Variants in SOBP observed in about 807,000 individuals in gnomAD.
SOBP encodes sine oculis-binding protein homolog.
In SOBP, 4 loss-of-function variants were observed where a neutral mutation model predicts 53.6. The observed-to-expected ratio is 0.07, with a 90% CI of 0.04 to 0.17. SOBP has a LOEUF of 0.17. Ranked by LOEUF, SOBP falls within the 10% of genes least tolerant of loss-of-function variation. The probability of loss-of-function intolerance (pLI) is 1.00; values close to 1 mark genes in which losing one functional copy is unlikely to be tolerated. For synonymous variants in SOBP, 584 were observed against 522.6 expected (o/e 1.12, Z -1.60); for missense variants, 1,088 against 1,204.7 (o/e 0.90, Z 1.43).
At chr6:107,510,155 T>C (rs1379324955) in intron 3 of SOBP, among the ~76,000 whole-genome samples, 1 of 152,222 alleles carries the variant, frequency 6.6e-6, no homozygotes, top group African/African-American at 2.4e-5. Context: ...AGAGCTCTTC[T>C]GTTGTAGCAG....
chr6:107,528,567 T>G (rs975036085), intron 3 of SOBP, among the ~76,000 whole-genome samples: 8 of 152,348 alleles, frequency 5.3e-5, no homozygotes, highest in African/African-American at 1.9e-4. Context: ...CATAAAGAAG[T>G]AAAGGCTTGC....
At position 107,634,140 on chromosome 6, in the gene SOBP, C is replaced by G; in HGVS notation, c.1296C>G (p.Pro432=). 2 of 1,611,308 alleles carry G rather than the reference C, an allele frequency of 1.2e-6. No homozygotes were observed. Among genetic ancestry groups the G allele is most frequent in the Non-Finnish European group, 1.7e-6 (2 of 1,178,902 alleles). ...GCCCCCTGTCCAACCCCATGCTTCC[C>G]GGCATCGGGCCCCCGCCCGGTGGCC... The part of the protein sequence containing the change: ...PNSPLSNPML[P]GIGPPPGGPR... The change falls in exon 6 of 7, where the codon CCC becomes CCG. Residue 432 remains proline, a synonymous_variant. Coordinates refer to ENST00000317357, the MANE Select transcript of SOBP (RefSeq NM_018013.4). This position sits in a 1 kb window ranked among gnomAD's most constrained non-coding sequence, Gnocchi z 4.5.
intron 6 of SOBP, among the ~76,000 whole-genome samples, chr6:107,639,987 A>T (rs1034760821): frequency 1.3e-5 from 2 of 152,218 alleles, no homozygotes; most frequent in East Asian, 3.8e-4. Flanking sequence ...CTCCAGGCTC[A>T]GCAGGGGGGA....
intron 6 of SOBP, among the ~76,000 whole-genome samples, chr6:107,648,366 A>G (rs1389735919): frequency 2.6e-5 from 4 of 152,002 alleles, no homozygotes; most frequent in African/African-American, 7.3e-5. Context: ...CTCTAAATTC[A>G]TCTAGGATTT....
intron 5 of SOBP, among the ~76,000 whole-genome samples, chr6:107,613,775 G>A (rs1458248521): frequency 6.6e-6 from 1 of 152,158 alleles, no homozygotes; most frequent in Non-Finnish European, 1.5e-5. Context: ...CAAAGTTGCT[G>A]AATAAATCAA....
intron 6 of SOBP, among the ~76,000 whole-genome samples, chr6:107,655,483 G>A (rs1470429774): frequency 6.6e-6 from 1 of 152,178 alleles, no homozygotes; most frequent in African/African-American, 2.4e-5. Context: ...GACACAGCAA[G>A]TATGTGGTGA....
At chr6:107,567,501 G>A (rs985624202) in intron 4 of SOBP, among the ~76,000 whole-genome samples, 20 of 152,156 alleles carry the variant, frequency 1.3e-4, no homozygotes, top group Admixed American at 1.2e-3. Context: ...AAAATTCCTT[G>A]AGAGAAGTCA....
intron 5 of SOBP, among the ~76,000 whole-genome samples, chr6:107,626,984 T>C (rs1770490363): frequency 6.6e-6 from 1 of 152,096 alleles, no homozygotes; most frequent in Non-Finnish European, 1.5e-5. Flanking sequence ...ATTTCTTAGG[T>C]GATTTCTGTG....
In SOBP at chr6:107,634,728, C is replaced by T. The variant is rs746427265; in HGVS notation, c.1884C>T (p.Gly628=). Reference sequence around the variant, plus strand: ...TGGTGGACCTGACGCGGCGCGCCGGCAGCCCCCCGGGCCCCCCGGGCGCGG... The same window carrying T: ...TGGTGGACCTGACGCGGCGCGCCGGTAGCCCCCCGGGCCCCCCGGGCGCGG... ...SEVVDLTRRA[G]SPPGPPGAGG... is the part of the protein sequence containing the mutation. Residue 628 remains glycine, a synonymous_variant, in exon 6 of 7, where the codon GGC becomes GGT. Transcript: ENST00000317357. This position sits in a 1 kb window ranked among gnomAD's most constrained non-coding sequence, Gnocchi z 4.5. The T allele has an allele frequency of 7.1e-5, 96 of 1,356,854 alleles. No individual in the cohort carries two copies. In the African/African-American group the frequency reaches 1.3e-3, roughly 19 times the overall value. 84.1% of individuals were successfully genotyped at this position (1,356,854 alleles called of 1,614,324 possible).
At position 107,634,694 on chromosome 6, in the gene SOBP, G is replaced by T. The variant is rs756274178; in HGVS notation, c.1850G>T (p.Arg617Leu). 2.0e-6 allele frequency: 3 copies of T among 1,514,554 alleles called. No homozygotes were observed. The African/African-American group carries it at 4.3e-5, about 21-fold the overall frequency. 93.8% of individuals were successfully genotyped at this position (1,514,554 alleles called of 1,614,324 possible). A position where few individuals can be genotyped will look rare whatever the true frequency, so the allele number is the denominator to read the frequency against. The change falls in exon 6 of 7, where the codon CGG becomes CTG. Residue 617 changes from arginine to leucine, a missense_variant. This residue lies in a region of SOBP where 665 missense variants were observed against 629.7 expected (regional missense o/e 1.06). Transcript: ENST00000317357. The surrounding 1 kb of genome is among the most constrained non-coding windows in gnomAD (Gnocchi z 4.5). ...SLAPTPAEHG[R>L]SEVVDLTRRA... ...GCGCCCACGCCCGCCGAGCATGGCC[G>T]GAGCGAGGTGGTGGACCTGACGCGG...
At chr6:107,508,812 G>A (rs1783074765) in intron 3 of SOBP, among the ~76,000 whole-genome samples, 1 of 152,038 alleles carries the variant, frequency 6.6e-6, no homozygotes, top group South Asian at 2.1e-4. Flanking sequence ...CGTAGGCCAA[G>A]TGGGAAAAAA....
rs34004579 is a variant in SOBP, at chr6:107,521,909, AACACACACACACACACACACACAC to A, written c.422-11522_422-11499del. ...GTCTGGTGGAAGAGACAGACATTAAAACACACACACACACACACACACACACACACACACACACACACACACACA... is the reference window on the plus strand; with the variant it reads ...GTCTGGTGGAAGAGACAGACATTAAAACACACACACACACACACACACACA... On this transcript the variant is annotated intron_variant, in intron 3 of 6. Transcript: ENST00000317357. Among the ~76,000 whole-genome samples the A allele has an allele frequency of 1.1e-3, 148 of 139,370 alleles. 1 individual carries two copies. The highest frequency in any genetic ancestry group is 3.5e-3 in the African/African-American group (128 of 36,280). The allele number at this position is 139,370 out of a possible 152,430, so 91.4% of individuals were successfully genotyped here.
At position 107,490,340 on chromosome 6, in the gene SOBP, G is replaced by GTTGGCT. The variant is rs1782543507; in HGVS notation, c.-277_-276insTTGGCT. 6.4e-6 allele frequency: 1 copy of GTTGGCT among 155,626 alleles called. No homozygotes were observed. The highest frequency in any genetic ancestry group is 1.8e-4 in the South Asian group (1 of 5,710). The allele number at this position is 155,626 out of a possible 1,614,324, so 9.6% of individuals were successfully genotyped here. On this transcript the variant is annotated 5_prime_UTR_variant, in exon 1 of 7. Transcript: ENST00000317357. ...CGGCGGCGTTGGCTGCGGCGGCGGC[G>GTTGGCT]GCGGCGGCAGCAGGAGCCGGAGCGA...
chr6:107,637,623 A>G (rs1771106997), intron 6 of SOBP, among the ~76,000 whole-genome samples: 1 of 152,212 alleles, frequency 6.6e-6, no homozygotes, highest in African/African-American at 2.4e-5. Context: ...AAAGTCAGAA[A>G]GCATTGGGAA....
At position 107,546,837 on chromosome 6, in the gene SOBP, C is replaced by CA. The variant is rs144377369; in HGVS notation, c.573+13229dup. ...TAAGTTGTTTGGATTTTCAAAAATC[C>CA]AAGTAATTCATTTAGAGTTTGGCTG... On this transcript the variant is annotated intron_variant, in intron 4 of 6. Transcript: ENST00000317357. Among the ~76,000 whole-genome samples, 357 of 152,192 alleles carry CA rather than the reference C, an allele frequency of 2.3e-3. 2 individuals carry two copies. Among genetic ancestry groups the CA allele is most frequent in the African/African-American group, 8.0e-3 (334 of 41,532 alleles).
intron 5 of SOBP, among the ~76,000 whole-genome samples, chr6:107,631,022 T>C (rs546145485): frequency 6.6e-5 from 10 of 152,312 alleles, no homozygotes; most frequent in South Asian, 6.2e-4. Context: ...TTATTCATCA[T>C]TGGATTACTG....
intron 2 of SOBP, among the ~76,000 whole-genome samples, chr6:107,505,261 A>C (rs4945778): frequency 0.42 from 63,535 of 151,852 alleles, 16,742 homozygotes; most frequent in Middle Eastern, 0.68. Context: ...CCAGAGAGCT[A>C]TGCTTGCTGT....
At chr6:107,538,572 T>C (rs537515106) in intron 4 of SOBP, among the ~76,000 whole-genome samples, 1 of 152,268 alleles carries the variant, frequency 6.6e-6, no homozygotes, top group Admixed American at 6.5e-5. Context: ...CCTGAATCTG[T>C]CCAGCTGCAC....
chr6:107,620,797 C>A (rs1245987387), intron 5 of SOBP, among the ~76,000 whole-genome samples: 1 of 152,222 alleles, frequency 6.6e-6, no homozygotes, highest in African/African-American at 2.4e-5. Flanking sequence ...CTGTGTCTCA[C>A]CAGATCCAGG....
Sources: gnomAD v4.1 joint callset for allele counts (sites outside exome capture counted in the v4.1 genomes callset) on GRCh38, gnomAD v4.1.1 for gene constraint, gnomAD v4.1.1 regional missense constraint, Gnocchi (gnomAD v3.1) non-coding constraint, MANE v1.5 for transcripts, NCBI Gene and HGNC (gene_info 2026-07-23, HGNC 2026-07-21) for gene names.